Variants in KANK1 observed in about 807,000 individuals in gnomAD.
KANK1 encodes KN motif and ankyrin repeat domain-containing protein 1.
KANK1 carries 109 observed loss-of-function variants against 106.2 expected under a neutral mutation model. The observed-to-expected ratio is 1.03, with a 90% CI of 0.88 to 1.20. The LOEUF is 1.20. KANK1 is among the 50% of genes most tolerant of loss of function. The pLI is 0.00. For synonymous variants in KANK1, 873 were observed against 652.2 expected, an observed-to-expected ratio of 1.34 and a Z score of -5.16; for missense variants, 2,399 against 1,710.7, an observed-to-expected ratio of 1.40 and a Z score of -7.10.
At position 516,986 on chromosome 9, in the gene KANK1, TTCA is replaced by T. The variant is rs921736362; in HGVS notation, c.-84+12236_-84+12238del. ...GTGCATCTGAGTGTGGTTTCTATTC[TTCA>T]TCACCCTCTACACACACACACACAC... On this transcript the variant is annotated intron_variant, in intron 1 of 11. Coordinates refer to ENST00000382297, the MANE Select transcript of KANK1 (RefSeq NM_015158.5). Among the ~76,000 whole-genome samples, 12 of 117,138 alleles carry T rather than the reference TTCA, an allele frequency of 1.0e-4. No individual in the cohort carries two copies. In the Admixed American group the frequency reaches 1.0e-3, roughly 10 times the overall value. 76.8% of individuals were successfully genotyped at this position (117,138 alleles called of 152,430 possible).
intron 1 of KANK1, among the ~76,000 whole-genome samples, chr9:507,090 C>T (rs1044241030): frequency 2.0e-5 from 3 of 150,744 alleles, no homozygotes; most frequent in Non-Finnish European, 4.4e-5. Context: ...TCAAGTGTTT[C>T]GGGAAGTTTT....
chr9:593,339 G>C (rs1311814495), intron 1 of KANK1, among the ~76,000 whole-genome samples: 1 of 151,716 alleles, frequency 6.6e-6, no homozygotes, highest in Non-Finnish European at 1.5e-5. Context: ...ACAAAAAAAG[G>C]ATTCTTGTAT....
intron 1 of KANK1, among the ~76,000 whole-genome samples, chr9:671,347 A>G (rs1225974821): frequency 1.3e-5 from 2 of 151,988 alleles, no homozygotes; most frequent in Non-Finnish European, 2.9e-5. Flanking sequence ...TGTGCAGTCT[A>G]GAAAAGAGTG....
chr9:636,133 C>T (rs1184669207), intron 1 of KANK1, among the ~76,000 whole-genome samples: 7 of 152,230 alleles, frequency 4.6e-5, no homozygotes, highest in African/African-American at 1.4e-4. Flanking sequence ...ATCCAAGTAT[C>T]AATTAAAGAT....
At chr9:567,965 G>C (rs1031046271) in intron 1 of KANK1, among the ~76,000 whole-genome samples, 1 of 151,656 alleles carries the variant, frequency 6.6e-6, no homozygotes, top group East Asian at 1.9e-4. Context: ...CAAAGAGAGA[G>C]TGCCAAAGTT....
At chr9:580,850 C>T (rs1157052189) in intron 1 of KANK1, among the ~76,000 whole-genome samples, 4 of 152,176 alleles carry the variant, frequency 2.6e-5, no homozygotes, top group South Asian at 2.1e-4. Context: ...GCTTGGGCTG[C>T]GCTGGAGCCC....
Position 635,255 on chromosome 9 carries a change from T to G in KANK1, c.-83-41635T>G, listed in dbSNP as rs149544142. On this transcript the variant is annotated intron_variant, in intron 1 of 11. Transcript: ENST00000382297. Reference sequence around the variant, plus strand: ...AAACCTGCTCTCTGCCCCTCTAGATTTTAGGTACCCAGCCCCCCAGGCCTA... The same window carrying G: ...AAACCTGCTCTCTGCCCCTCTAGATGTTAGGTACCCAGCCCCCCAGGCCTA... 4.6e-3 allele frequency among the ~76,000 whole-genome samples: 697 copies of G among 152,176 alleles called. 1 individual carries two copies. Among genetic ancestry groups the G allele is most frequent in the Non-Finnish European group, 7.7e-3 (523 of 68,010 alleles).
At chr9:507,764 G>A (rs980012224) in intron 1 of KANK1, among the ~76,000 whole-genome samples, 18 of 152,030 alleles carry the variant, frequency 1.2e-4, no homozygotes, top group Non-Finnish European at 2.4e-4. Context: ...CACTATGTTG[G>A]CCAGGATGGT....
At chr9:548,583 C>G (rs1323330149) in intron 1 of KANK1, among the ~76,000 whole-genome samples, 1 of 152,058 alleles carries the variant, frequency 6.6e-6, no homozygotes, top group East Asian at 1.9e-4. Flanking sequence ...TGAAAAAATT[C>G]CAATAGTTGT....
At chr9:677,695 G>A (rs2138908722) in intron 2 of KANK1, 1 of 152,270 alleles carries the variant, frequency 6.6e-6, no homozygotes, top group South Asian at 2.1e-4. Flanking sequence ...TGAGTTATGT[G>A]CCAAATAGCT....
intron 1 of KANK1, among the ~76,000 whole-genome samples, chr9:614,653 G>A (rs557963335): frequency 6.6e-6 from 1 of 152,164 alleles, no homozygotes; most frequent in South Asian, 2.1e-4. Flanking sequence ...AGACATGACT[G>A]CCCAGTAACA....
rs753818079 is a variant in KANK1, at chr9:669,358, G to T, written c.-83-7532G>T. Reference sequence around the variant, plus strand: ...TGCACATTAATGTTTTTTCATTTCAGATTGAAGAACCATCTTTAACATTTC... The same window carrying T: ...TGCACATTAATGTTTTTTCATTTCATATTGAAGAACCATCTTTAACATTTC... On this transcript the variant is annotated intron_variant, in intron 1 of 11. Transcript: ENST00000382297. 3.2e-4 allele frequency among the ~76,000 whole-genome samples: 48 copies of T among 152,044 alleles called. 1 individual carries two copies. Among genetic ancestry groups the T allele is most frequent in the Non-Finnish European group, 8.8e-5 (6 of 68,010 alleles).
chr9:591,188 TTTA>T (rs1326935929), intron 1 of KANK1, among the ~76,000 whole-genome samples: 1 of 151,930 alleles, frequency 6.6e-6, no homozygotes, highest in African/African-American at 2.4e-5. Flanking sequence ...TTAAATGTCT[TTTA>T]TTATAAAAGT....
chr9:551,231 A>C (rs2061262822), intron 1 of KANK1, among the ~76,000 whole-genome samples: 1 of 151,462 alleles, frequency 6.6e-6, no homozygotes, highest in Non-Finnish European at 1.5e-5. Context: ...GAATAAGGGC[A>C]AGCAGAAGAC....
At chr9:744,378 G>T (rs1159300553) in intron 10 of KANK1, 113 bp from the exon 11 acceptor site, 10 of 1,225,630 alleles carry the variant, frequency 8.2e-6, no homozygotes, top group Non-Finnish European at 1.0e-5. Context: ...CGAACGAGTA[G>T]GGATATTTGG....
At chr9:607,312 C>G (rs1294025284) in intron 1 of KANK1, among the ~76,000 whole-genome samples, 3 of 151,460 alleles carry the variant, frequency 2.0e-5, no homozygotes, top group Non-Finnish European at 4.4e-5. Context: ...ATGGTGAGAA[C>G]CCGTCTCTAC....
intron 1 of KANK1, among the ~76,000 whole-genome samples, chr9:588,082 A>G (rs1414640496): frequency 6.6e-6 from 1 of 151,680 alleles, no homozygotes; most frequent in Non-Finnish European, 1.5e-5. Context: ...AAAAAAAAGA[A>G]AGAAAGAAAG....
Position 600,334 on chromosome 9 carries a change from A to G in KANK1, c.-83-76556A>G, listed in dbSNP as rs934003149. ...TATTTTACCCAGTGTAATGTCCTCA[A>G]GGGTCATCTATGTTGTAACATGTGT... On this transcript the variant is annotated intron_variant, in intron 1 of 11. Coordinates refer to ENST00000382297, the MANE Select transcript of KANK1 (RefSeq NM_015158.5). Among the ~76,000 whole-genome samples, 12 of 151,872 alleles carry G rather than the reference A, an allele frequency of 7.9e-5. No homozygotes were observed. In the South Asian group the frequency reaches 2.1e-3, roughly 26 times the overall value.
At chr9:599,872 C>G (rs1318055801) in intron 1 of KANK1, among the ~76,000 whole-genome samples, 5 of 151,690 alleles carry the variant, frequency 3.3e-5, no homozygotes, top group Non-Finnish European at 5.9e-5. Context: ...GATGACTGTA[C>G]TTTGTTTAAG....
Sources: allele counts gnomAD v4.1 joint callset (sites outside exome capture counted in the v4.1 genomes callset), GRCh38; gene constraint gnomAD v4.1.1; transcripts MANE v1.5; gene names NCBI Gene and HGNC (gene_info 2026-07-23, HGNC 2026-07-21).